The following HYDIN variants were observed in gnomAD, a reference collection of about 807,000 sequenced individuals.
HYDIN encodes HYDIN axonemal central pair apparatus protein, also known as axonemal central pair apparatus protein HYDIN.
Under a neutral mutation model 403.9 loss-of-function variants are expected in HYDIN, and 132 were observed. That is an observed-to-expected ratio of 0.33 (90% CI 0.28 to 0.38). The LOEUF (loss-of-function observed/expected upper bound fraction) is 0.38. Ranked by LOEUF, HYDIN falls within the 10% of genes least tolerant of loss-of-function variation. The pLI is 1.00. For missense variants in HYDIN, 2,827 were observed against 5,009.5 expected, an observed-to-expected ratio of 0.56 and a Z score of 13.15; for synonymous variants, 1,202 against 1,891.7, an observed-to-expected ratio of 0.64 and a Z score of 9.46.
At position 71,027,512 on chromosome 16, in the gene HYDIN, G is replaced by T. The variant is rs2080750622; in HGVS notation, c.3042+90C>A. The T allele has an allele frequency of 1.3e-5, 20 of 1,542,502 alleles. No individual in the cohort carries two copies. The South Asian group carries it at 2.5e-4, about 19-fold the overall frequency. On this transcript the variant is annotated intron_variant, in intron 20 of 85. Coordinates refer to ENST00000393567, the MANE Select transcript of HYDIN (RefSeq NM_001270974.2). ...CCTTGAGAAACCATATCCTTCCTCA[G>T]ATAAATGTCAAGGGACTTTCCTAAG...
chr16:71,098,512 T>C (rs1188987919), intron 10 of HYDIN, among the ~76,000 whole-genome samples: 4 of 151,652 alleles, frequency 2.6e-5, no homozygotes, highest in African/African-American at 9.7e-5. Context: ...AATAAAACTT[T>C]CAAAGGGCCC....
chr16:71,042,863 T>A (rs1046070301), intron 18 of HYDIN, among the ~76,000 whole-genome samples: 3 of 151,946 alleles, frequency 2.0e-5, no homozygotes, highest in African/African-American at 7.3e-5. Context: ...GTGGCTGGCA[T>A]CCTAGGACTG....
intron 1 of HYDIN, among the ~76,000 whole-genome samples, chr16:71,215,763 A>G (rs1263718675): frequency 6.9e-6 from 1 of 145,844 alleles, no homozygotes; most frequent in Non-Finnish European, 1.5e-5. Flanking sequence ...TATTTAAAGA[A>G]CTCCTACAAA....
chr16:70,970,757 T>C lies in HYDIN; in HGVS notation c.5382A>G (p.Lys1794=). The change falls in exon 36 of 86, where the codon AAA becomes AAG. Residue 1794 remains lysine (K), a splice_region_variant and synonymous_variant. Coordinates refer to ENST00000393567, the MANE Select transcript of HYDIN (RefSeq NM_001270974.2). ...VQVKFMPKEE[K]FYSQTLVFQI... Reference sequence around the variant, plus strand: ...GAAACACCAGGGTTTGGCTGTAGAATTTCTGGAAAACATAAAAACAAAACA... The same window carrying C: ...GAAACACCAGGGTTTGGCTGTAGAACTTCTGGAAAACATAAAAACAAAACA... 2 of 1,584,988 alleles carry C rather than the reference T, an allele frequency of 1.3e-6. No individual in the cohort carries two copies. The highest frequency in any genetic ancestry group is 2.7e-5 in the African/African-American group (2 of 73,790).
intron 1 of HYDIN, among the ~76,000 whole-genome samples, chr16:71,205,538 C>T (rs1157336769): frequency 1.3e-5 from 2 of 152,226 alleles, no homozygotes; most frequent in Non-Finnish European, 2.9e-5. Flanking sequence ...CCTTGGGCCC[C>T]AGAGCAGACC....
At chr16:71,214,107 T>C (rs895298237) in intron 1 of HYDIN, among the ~76,000 whole-genome samples, 6 of 152,190 alleles carry the variant, frequency 3.9e-5, no homozygotes, top group East Asian at 3.9e-4. Flanking sequence ...TATCCTAAAA[T>C]TGCATTTCTA....
At chr16:71,051,264 G>C (rs1192631341) in intron 18 of HYDIN, among the ~76,000 whole-genome samples, 11 of 152,100 alleles carry the variant, frequency 7.2e-5, no homozygotes, top group Non-Finnish European at 1.0e-4. Context: ...ATTTCAGCAC[G>C]TGTTAATGAT....
intron 11 of HYDIN, chr16:71,090,480 T>G (rs1430383166): frequency 6.6e-6 from 1 of 152,158 alleles, no homozygotes; most frequent in Admixed American, 6.6e-5. Context: ...ACAGAGACTG[T>G]TATGTTTTCG....
intron 1 of HYDIN, among the ~76,000 whole-genome samples, chr16:71,213,713 T>C (rs2088718643): frequency 6.6e-6 from 1 of 152,086 alleles, no homozygotes; most frequent in Admixed American, 6.5e-5. Context: ...AAAAAGAATA[T>C]GATAAAATTC....
chr16:71,064,008 G>T (rs1443174952), intron 16 of HYDIN, among the ~76,000 whole-genome samples: 2 of 124,524 alleles, frequency 1.6e-5, no homozygotes, highest in Non-Finnish European at 3.8e-5. Flanking sequence ...AACTTCCATT[G>T]ATCTTGTAGC....
intron 25 of HYDIN, among the ~76,000 whole-genome samples, chr16:70,988,930 G>T (rs2079258445): frequency 6.6e-6 from 1 of 151,514 alleles, no homozygotes; most frequent in African/African-American, 2.4e-5. Context: ...GAAATATCTG[G>T]GAGGTTGTTT....
chr16:70,998,504 T>C (rs2079600813), intron 23 of HYDIN, among the ~76,000 whole-genome samples: 1 of 145,456 alleles, frequency 6.9e-6, no homozygotes, highest in Non-Finnish European at 1.5e-5. Flanking sequence ...TTGTTCCTAA[T>C]TTATAATCTG....
At chr16:70,929,159 G>A (rs1169949298) in intron 45 of HYDIN, among the ~76,000 whole-genome samples, 1 of 140,968 alleles carries the variant, frequency 7.1e-6, no homozygotes, top group Non-Finnish European at 1.5e-5. Context: ...GCGTGGTGGT[G>A]CATGCCTGTA....
At position 70,892,368 on chromosome 16, in the gene HYDIN, C is replaced by T. The variant is rs368611877; in HGVS notation, c.9410G>A (p.Arg3137His). ...CCTTTGGAGCTCTCTTACCTGACAG[C>T]GCAGAACAGGCTGGTGCTCAATCTT... ...EVKIEHQPVL[R>H]CQIIEPNISE... Residue 3137 changes from arginine (R) to histidine (H), a missense_variant, in exon 56 of 86, where the codon CGC becomes CAC. Physicochemically the swap from Arg to His is conservative, Grantham distance 29. Transcript: ENST00000393567. 9 of 1,560,694 alleles carry T rather than the reference C, an allele frequency of 5.8e-6. No homozygotes were observed. The highest frequency in any genetic ancestry group is 1.9e-5 in the Admixed American group (1 of 52,082).
intron 13 of HYDIN, among the ~76,000 whole-genome samples, chr16:71,073,433 C>A (rs911622534): frequency 1.7e-4 from 26 of 152,278 alleles, no homozygotes; most frequent in Admixed American, 1.4e-3. Flanking sequence ...CGACTCCCTA[C>A]TTTACACCCT....
In HYDIN at chr16:70,802,746, A is replaced by G. The variant is rs1181278994; in HGVS notation, c.*4834T>C. The G allele has an allele frequency of 6.6e-6, 1 of 152,220 alleles. No homozygotes were observed. Among genetic ancestry groups the G allele is most frequent in the African/African-American group, 2.4e-5 (1 of 41,456 alleles). The allele number at this position is 152,220 out of a possible 1,614,324, so 9.4% of individuals were successfully genotyped here. A position where few individuals can be genotyped will look rare whatever the true frequency, so the allele number is the denominator to read the frequency against. ...TGTTATGCAGCCATAGAAAATGAAT[A>G]CAAAGGCTAATCCAAAACTCGGCAA... is the stretch of plus-strand genomic sequence containing the variant. On this transcript the variant is annotated 3_prime_UTR_variant, in exon 86 of 86. Transcript: ENST00000393567.
chr16:70,881,187 T>C (rs542172539), intron 60 of HYDIN, among the ~76,000 whole-genome samples: 2 of 132,012 alleles, frequency 1.5e-5, no homozygotes, highest in South Asian at 2.2e-4. Context: ...GATGGCGCCA[T>C]TGCACTCCAG....
chr16:71,213,287 C>G (rs1271027144), intron 1 of HYDIN, among the ~76,000 whole-genome samples: 5 of 151,980 alleles, frequency 3.3e-5, no homozygotes, highest in Admixed American at 1.3e-4. Flanking sequence ...TTAAAATGAA[C>G]ATGAGTGCTG....
chr16:70,824,559 G>A (rs886183341), intron 83 of HYDIN, among the ~76,000 whole-genome samples: 1 of 149,686 alleles, frequency 6.7e-6, no homozygotes, highest in Non-Finnish European at 1.5e-5. Flanking sequence ...ACAGGGTCTT[G>A]CTCTGTTGCC....
Sources: gnomAD v4.1 joint callset for allele counts (sites outside exome capture counted in the v4.1 genomes callset) on GRCh38, gnomAD v4.1.1 for gene constraint, MANE v1.5 for transcripts, NCBI Gene and HGNC (gene_info 2026-07-23, HGNC 2026-07-21) for gene names.